COL4A6: variants seen among roughly 807,000 people sequenced by gnomAD.
COL4A6 encodes the protein collagen alpha-6(IV) chain.
In COL4A6, 59 loss-of-function variants were observed where a neutral mutation model predicts 126.7. The observed-to-expected ratio is 0.47, with a 90% CI of 0.38 to 0.58. The LOEUF (loss-of-function observed/expected upper bound fraction) is 0.58, where lower values mean the gene tolerates loss of function less well. Ranked by LOEUF, COL4A6 falls within the 20% of genes least tolerant of loss-of-function variation. The probability of loss-of-function intolerance (pLI) is 0.00; values close to 1 mark genes in which losing one functional copy is unlikely to be tolerated. For missense variants in COL4A6, 1,285 were observed against 1,337.3 expected, an observed-to-expected ratio of 0.96 and a Z score of 0.61; for synonymous variants, 547 against 496.6, an observed-to-expected ratio of 1.10 and a Z score of -1.35.
chrX:108,310,700 A>G, intron 3 of COL4A6, 48 bp downstream of exon 3: 1 of 1,064,736 alleles, frequency 9.4e-7, no homozygotes, highest in Admixed American at 2.2e-5. Flanking sequence ...AACAGATAAC[A>G]GCTCCCATGC....
chrX:108,180,880 C>A lies in COL4A6; in HGVS notation c.2023+17G>T, dbSNP rs765698394. On this transcript the variant is annotated intron_variant, in intron 24 of 44. Coordinates refer to ENST00000334504, the MANE Select transcript of COL4A6 (RefSeq NM_033641.4). ...TTACAAGAGTGTTTAGTGGCTTTCT[C>A]TGGCCTCATTCCATACCTGGGAATC... 3 of 1,200,452 alleles carry A rather than the reference C, an allele frequency of 2.5e-6. No homozygotes were observed. The African/African-American group carries it at 5.3e-5, about 21-fold the overall frequency.
At chrX:108,343,159 A>AGTG (rs765105305) in intron 2 of COL4A6, among the ~76,000 whole-genome samples, 50 of 68,923 alleles carry the variant, frequency 7.3e-4, no homozygotes, top group East Asian at 5.3e-3. Context: ...ATATATATAT[A>AGTG]TATATAGTGT....
At position 108,275,912 on chromosome X, in the gene COL4A6, C is replaced by T. The variant is rs376922923; in HGVS notation, c.144+34836G>A. On this transcript the variant is annotated intron_variant, in intron 3 of 44. Coordinates refer to ENST00000334504, the MANE Select transcript of COL4A6 (RefSeq NM_033641.4). ...ACCTTTGCCTTGGAAAATTCCCCAGCCAAAGTCACAGACACTAAACAGGAA... is the reference window on the plus strand; with the variant it reads ...ACCTTTGCCTTGGAAAATTCCCCAGTCAAAGTCACAGACACTAAACAGGAA... Among the ~76,000 whole-genome samples, 10 of 112,736 alleles carry T rather than the reference C, an allele frequency of 8.9e-5. No individual in the cohort carries two copies. In the East Asian group the frequency reaches 2.5e-3, roughly 28 times the overall value.
intron 2 of COL4A6, among the ~76,000 whole-genome samples, chrX:108,329,861 G>A (rs1395348210): frequency 9.0e-6 from 1 of 111,197 alleles, no homozygotes; most frequent in African/African-American, 3.3e-5. Flanking sequence ...AAAAAGAGGA[G>A]TCGAAGGTGA....
At chrX:108,178,904 C>T in intron 26 of COL4A6, 59 bp from the exon 27 acceptor site, 2 of 1,123,532 alleles carry the variant, frequency 1.8e-6, no homozygotes, top group Non-Finnish European at 2.4e-6. Flanking sequence ...AGTGGGTCAG[C>T]AAACCAACTT....
chrX:108,420,837 A>G (rs928547667), intron 2 of COL4A6, among the ~76,000 whole-genome samples: 1 of 111,687 alleles, frequency 9.0e-6, no homozygotes, highest in African/African-American at 3.3e-5. Flanking sequence ...GGTGTCCTTC[A>G]TAATAGTGTT....
intron 40 of COL4A6, 67 bp downstream of exon 40, chrX:108,164,533 G>A: frequency 9.6e-7 from 1 of 1,037,792 alleles, no homozygotes; most frequent in Middle Eastern, 2.5e-4. Flanking sequence ...AATGATGCCT[G>A]AAGGAACCTT....
intron 2 of COL4A6, among the ~76,000 whole-genome samples, chrX:108,373,852 T>TCCTTTTATATTCA (rs2040379114): frequency 8.9e-6 from 1 of 112,427 alleles, no homozygotes; most frequent in African/African-American, 3.2e-5. Context: ...CCTTTAAAAT[T>TCCTTTTATATTCA]GTTTTCCTTT....
intron 3 of COL4A6, among the ~76,000 whole-genome samples, chrX:108,259,730 T>C (rs2037108875): frequency 8.9e-6 from 1 of 111,881 alleles, no homozygotes; most frequent in Non-Finnish European, 1.9e-5. Flanking sequence ...CTGCAAAGAT[T>C]AGAGAGGGAA....
intron 2 of COL4A6, among the ~76,000 whole-genome samples, chrX:108,430,019 C>T (rs755803071): frequency 3.2e-4 from 36 of 111,745 alleles, no homozygotes; most frequent in Non-Finnish European, 6.4e-4. Context: ...AAGAATGTAA[C>T]GTAGTCATAT....
chrX:108,307,150 T>C (rs1396605297), intron 3 of COL4A6, among the ~76,000 whole-genome samples: 1 of 111,364 alleles, frequency 9.0e-6, no homozygotes, highest in Non-Finnish European at 1.9e-5. Context: ...GAAAGAATAG[T>C]TCTTCCAGAT....
At chrX:108,176,498 C>T (rs1458886454) in intron 28 of COL4A6, among the ~76,000 whole-genome samples, 2 of 110,976 alleles carry the variant, frequency 1.8e-5, no homozygotes, top group African/African-American at 6.6e-5. Context: ...GAGATACCAC[C>T]TGCCCAACTA....
intron 41 of COL4A6, among the ~76,000 whole-genome samples, chrX:108,162,239 A>G (rs2033968012): frequency 9.1e-6 from 1 of 109,919 alleles, no homozygotes; most frequent in Admixed American, 9.7e-5. Context: ...AGTCCCCGCT[A>G]CTCCGGAGGC....
intron 3 of COL4A6, among the ~76,000 whole-genome samples, chrX:108,270,083 A>C (rs1379967110): frequency 8.9e-6 from 1 of 112,121 alleles, no homozygotes; most frequent in Non-Finnish European, 1.9e-5. Context: ...TAGGGTTTGC[A>C]TTCCAGCACT....
At chrX:108,220,232 C>T (rs1391261799) in intron 4 of COL4A6, among the ~76,000 whole-genome samples, 2 of 112,205 alleles carry the variant, frequency 1.8e-5, no homozygotes, top group Admixed American at 9.4e-5. Flanking sequence ...GGCACCCTGC[C>T]CTACTGATAC....
At chrX:108,310,277 G>A (rs754649731) in intron 3 of COL4A6, among the ~76,000 whole-genome samples, 8 of 111,423 alleles carry the variant, frequency 7.2e-5, no homozygotes, top group East Asian at 5.6e-4. Flanking sequence ...TTTATGTATC[G>A]TCACCTATAT....
intron 13 of COL4A6, among the ~76,000 whole-genome samples, chrX:108,202,674 C>T (rs1487848271): frequency 8.9e-6 from 1 of 111,950 alleles, no homozygotes; most frequent in Non-Finnish European, 1.9e-5. Flanking sequence ...GCAAAATCAG[C>T]AGTCAAGCCT....
intron 8 of COL4A6, chrX:108,206,869 A>AG (rs1472941177): frequency 5.3e-6 from 2 of 380,097 alleles, no homozygotes; most frequent in Non-Finnish European, 9.5e-6. Flanking sequence ...AAAAGGCTAG[A>AG]GTTTATATCA....
intron 2 of COL4A6, among the ~76,000 whole-genome samples, chrX:108,369,489 T>A (rs1460723711): frequency 7.1e-5 from 8 of 112,107 alleles, no homozygotes; most frequent in Non-Finnish European, 1.5e-4. Flanking sequence ...GCTCCATGAC[T>A]GCTAGGATCA....
Sources: gnomAD v4.1 joint callset for allele counts (sites outside exome capture counted in the v4.1 genomes callset) on GRCh38, gnomAD v4.1.1 for gene constraint, MANE v1.5 for transcripts, NCBI Gene and HGNC (gene_info 2026-07-23, HGNC 2026-07-21) for gene names.